The following PGAP1 variants were observed in gnomAD, a reference collection of about 807,000 sequenced individuals.
PGAP1 encodes post-GPI attachment to proteins inositol deacylase 1.
A neutral mutation model predicts 127.0 loss-of-function variants in PGAP1; 76 were observed. The ratio of observed to expected loss-of-function variants is 0.60; its 90% confidence interval spans 0.50 to 0.72. PGAP1 has a LOEUF of 0.72. Among genes scored for constraint, PGAP1 ranks in the 30% least tolerant of loss-of-function variants. The probability of loss-of-function intolerance (pLI) is 0.00; values close to 1 mark genes in which losing one functional copy is unlikely to be tolerated. For missense variants in PGAP1, 982 were observed against 1,071.3 expected, an observed-to-expected ratio of 0.92 and a Z score of 1.16; for synonymous variants, 362 against 366.5, an observed-to-expected ratio of 0.99 and a Z score of 0.14.
rs13389281 is a variant in PGAP1, at chr2:196,888,205, A to G, written c.1174-2325T>C. 8.4e-3 allele frequency among the ~76,000 whole-genome samples: 1,281 copies of G among 152,340 alleles called. 19 individuals are homozygous for G. Among genetic ancestry groups the G allele is most frequent in the African/African-American group, 0.029 (1,214 of 41,572 alleles). ...AGGATTATTGACTAACTCCTAAAGT[A>G]TACAGGAAAGAAAATGCTACTGATC... On this transcript the variant is annotated intron_variant, in intron 10 of 26. Coordinates refer to ENST00000354764, the MANE Select transcript of PGAP1 (RefSeq NM_024989.4).
rs891383031 is a variant in PGAP1 at position 196,921,935 on chromosome 2, T to C, written c.148-1785A>G. Among the ~76,000 whole-genome samples, 16 of 152,122 alleles carry C rather than the reference T, an allele frequency of 1.1e-4. 1 individual carries two copies. The highest frequency in any genetic ancestry group is 2.1e-4 in the South Asian group (1 of 4,820). On this transcript the variant is annotated intron_variant, in intron 1 of 26. Transcript: ENST00000354764. ...GACCCAGGAGAGGTAATTGACCACA[T>C]TGACAGAAAAAGCATAGGCATACAA...
chr2:196,889,825 C>G (rs1370194980), intron 10 of PGAP1, among the ~76,000 whole-genome samples: 1 of 145,034 alleles, frequency 6.9e-6, no homozygotes, highest in African/African-American at 2.6e-5. Context: ...CGCCACCTCA[C>G]TCCAGCCTGG....
At position 196,836,148 on chromosome 2, in the gene PGAP1, G is replaced by A. The variant is rs1489310262; in HGVS notation, c.*5086C>T. On this transcript the variant is annotated 3_prime_UTR_variant, in exon 27 of 27. Coordinates refer to ENST00000354764, the MANE Select transcript of PGAP1 (RefSeq NM_024989.4). ...TTCAAAGTTACAATGTACAGAATGA[G>A]TACAGACAGATTCTGACTCATATAT... 6.6e-6 allele frequency: 1 copy of A among 152,454 alleles called. No homozygotes were observed. The highest frequency in any genetic ancestry group is 6.6e-5 in the Admixed American group (1 of 15,266). The allele number at this position is 152,454 out of a possible 1,614,324, so 9.4% of individuals were successfully genotyped here.
chr2:196,872,369 G>A (rs1407928104), intron 18 of PGAP1, 72 bp downstream of exon 18: 1 of 1,037,150 alleles, frequency 9.6e-7, no homozygotes, highest in Non-Finnish European at 1.4e-6. Context: ...TATATCTGAA[G>A]CTTATATAAA....
At chr2:196,857,234 C>T (rs1390540308) in intron 20 of PGAP1, among the ~76,000 whole-genome samples, 1 of 152,244 alleles carries the variant, frequency 6.6e-6, no homozygotes, top group Non-Finnish European at 1.5e-5. Flanking sequence ...AAATCACTAG[C>T]ATTCCTCTAT....
At chr2:196,922,433 T>G in intron 1 of PGAP1, 11 of 973,226 alleles carry the variant, frequency 1.1e-5, no homozygotes, top group Non-Finnish European at 1.3e-5. Flanking sequence ...TTGCTCACCA[T>G]CCCCCATAAG....
chr2:196,844,015 GTA>G lies in PGAP1; in HGVS notation c.2396_2397del (p.Ile799ThrfsTer11). 1 of 1,605,110 alleles carries G rather than the reference GTA, an allele frequency of 6.2e-7. No individual in the cohort carries two copies. Among genetic ancestry groups the G allele is most frequent in the Non-Finnish European group, 8.5e-7 (1 of 1,174,018 alleles). On this transcript the variant is annotated frameshift_variant, in exon 25 of 27. Coordinates refer to ENST00000354764, the MANE Select transcript of PGAP1 (RefSeq NM_024989.4). LOFTEE classifies it high-confidence loss of function. ...TCGTTGGCAGATAAACGAAGATGGT[GTA>G]TTGAGGAGTCTTTATGATGATTGGA... ...KKSNHHKDSS[I>X]HHLRLSANDA...
At chr2:196,880,050 A>T in intron 13 of PGAP1, 26 bp downstream of exon 13, 1 of 1,524,404 alleles carries the variant, frequency 6.6e-7, no homozygotes, top group Non-Finnish European at 9.1e-7. Context: ...AAAACATTCT[A>T]ATAACAATCT....
chr2:196,875,924 C>T (rs1354293966), intron 13 of PGAP1, 103 bp from the exon 14 acceptor site: 2 of 628,516 alleles, frequency 3.2e-6, no homozygotes, highest in Non-Finnish European at 5.6e-6. Context: ...TAAACCTCAG[C>T]TTTGGAGAAA....
At chr2:196,885,049 A>AGG (rs1701854177) in intron 12 of PGAP1, among the ~76,000 whole-genome samples, 1 of 152,162 alleles carries the variant, frequency 6.6e-6, no homozygotes, top group African/African-American at 2.4e-5. Flanking sequence ...TCCCAACTGC[A>AGG]GGCCCTTCCT....
intron 22 of PGAP1, 40 bp downstream of exon 22, chr2:196,846,963 C>T: frequency 6.7e-7 from 1 of 1,481,956 alleles, no homozygotes; most frequent in Non-Finnish European, 9.3e-7. Flanking sequence ...TATATTTCTT[C>T]TTAAAGCAAT....
intron 20 of PGAP1, among the ~76,000 whole-genome samples, chr2:196,855,900 C>T (rs188123587): frequency 3.9e-5 from 6 of 152,328 alleles, no homozygotes; most frequent in Non-Finnish European, 7.3e-5. Context: ...GAATATCTGA[C>T]TTTAAGGGTT....
chr2:196,872,605 T>C, intron 17 of PGAP1, 56 bp from the exon 18 acceptor site: 2 of 1,238,664 alleles, frequency 1.6e-6, no homozygotes, highest in Non-Finnish European at 2.4e-6. Flanking sequence ...TAAAGAGCCA[T>C]GGCTAAGTTA....
At chr2:196,857,094 G>A (rs1170823639) in intron 20 of PGAP1, among the ~76,000 whole-genome samples, 3 of 152,144 alleles carry the variant, frequency 2.0e-5, no homozygotes, top group Admixed American at 2.0e-4. Flanking sequence ...TAGGAAGAGA[G>A]GAAGTCAAAC....
At chr2:196,896,152 G>T (rs1702260142) in intron 7 of PGAP1, among the ~76,000 whole-genome samples, 1 of 152,124 alleles carries the variant, frequency 6.6e-6, no homozygotes, top group Non-Finnish European at 1.5e-5. Flanking sequence ...ATCTGTAAAG[G>T]ATACTATGAT....
At chr2:196,900,368 T>C (rs1236900573) in intron 5 of PGAP1, among the ~76,000 whole-genome samples, 2 of 152,220 alleles carry the variant, frequency 1.3e-5, no homozygotes, top group Non-Finnish European at 2.9e-5. Flanking sequence ...ACCCTCTTGA[T>C]ACAATTATGG....
chr2:196,884,464 G>A (rs990640007), intron 12 of PGAP1, among the ~76,000 whole-genome samples: 4 of 152,092 alleles, frequency 2.6e-5, no homozygotes, highest in Non-Finnish European at 5.9e-5. Context: ...ATTGACCAAG[G>A]TGACAAAAAA....
At chr2:196,871,900 G>A (rs1701421459) in intron 18 of PGAP1, among the ~76,000 whole-genome samples, 1 of 152,088 alleles carries the variant, frequency 6.6e-6, no homozygotes, top group African/African-American at 2.4e-5. Flanking sequence ...CTTCATTCAT[G>A]AATCCATAAG....
intron 5 of PGAP1, among the ~76,000 whole-genome samples, chr2:196,900,776 A>T (rs1702459552): frequency 6.6e-6 from 1 of 152,068 alleles, no homozygotes; most frequent in African/African-American, 2.4e-5. Context: ...ATACAAAAAA[A>T]ATTAGCTGGG....
Sources: gnomAD v4.1 joint callset for allele counts (sites outside exome capture counted in the v4.1 genomes callset) on GRCh38, gnomAD v4.1.1 for gene constraint, MANE v1.5 for transcripts, NCBI Gene and HGNC (gene_info 2026-07-23, HGNC 2026-07-21) for gene names.